The following PPARGC1A variants were observed in gnomAD, a reference collection of about 807,000 sequenced individuals.
PPARGC1A encodes PPARG coactivator 1 alpha.
In PPARGC1A, 25 loss-of-function variants were observed where a neutral mutation model predicts 88.7. That is an observed-to-expected ratio of 0.28 (90% CI 0.21 to 0.39). The LOEUF is 0.39. PPARGC1A is among the 10% of genes least tolerant of loss of function. The pLI is 1.00. For missense variants in PPARGC1A, 880 were observed against 968.7 expected, an observed-to-expected ratio of 0.91 and a Z score of 1.22; for synonymous variants, 363 against 355.6, an observed-to-expected ratio of 1.02 and a Z score of -0.24.
At chr4:24,099,889 G>A in the PPARGC1A span, among the ~76,000 whole-genome samples, 2 of 145,428 alleles carry the variant, frequency 1.4e-5, no homozygotes, top group African/African-American at 2.5e-5. Context: ...GTACAGACCA[G>A]CATCACTTAG....
At chr4:24,212,560 G>A in the PPARGC1A span, among the ~76,000 whole-genome samples, 1 of 152,124 alleles carries the variant, frequency 6.6e-6, no homozygotes, top group Non-Finnish European at 1.5e-5. Context: ...CCTGGTGCCT[G>A]GTATACTCTC....
At chr4:24,369,575 GA>G in the PPARGC1A span, among the ~76,000 whole-genome samples, 5 of 147,474 alleles carry the variant, frequency 3.4e-5, no homozygotes, top group South Asian at 4.3e-4. Context: ...AGAGAGAACA[GA>G]AAAAAAAAAT....
the PPARGC1A span, among the ~76,000 whole-genome samples, chr4:24,125,647 C>CA: frequency 2.6e-4 from 39 of 151,460 alleles, no homozygotes; most frequent in Admixed American, 1.6e-3. Flanking sequence ...CATCAATTTA[C>CA]AAAAAAATGG....
At chr4:23,904,110 A>G (rs1218320294), upstream of PPARGC1A, 6 of 917,344 alleles carry the variant, frequency 6.5e-6, no homozygotes, top group Non-Finnish European at 7.8e-6. Context: ...TCGGCAGGCC[A>G]CTTTTTAATT....
rs1718794165 is a variant in PPARGC1A, at chr4:23,897,856, C to T, written n.52+1411G>A. The stretch of plus-strand genomic sequence containing the variant: ...GTCCAGAGAAACAGTGGGCTTTCAT[C>T]TTGTTTATCATTAATTCTGGAAAGT... On this transcript the variant is annotated intron_variant and non_coding_transcript_variant, in intron 1 of 3. Coordinates refer to the PPARGC1A transcript ENST00000507342. 2.6e-5 allele frequency among the ~76,000 whole-genome samples: 4 copies of T among 152,158 alleles called. No homozygotes were observed. The South Asian group carries it at 8.3e-4, about 32-fold the overall frequency.
chr4:24,193,749 C>T, the PPARGC1A span, among the ~76,000 whole-genome samples: 1 of 152,314 alleles, frequency 6.6e-6, no homozygotes, highest in East Asian at 1.9e-4. Context: ...GCTGGGAGCT[C>T]TGTGAGGGCA....
chr4:24,440,459 C>T, the PPARGC1A span, among the ~76,000 whole-genome samples: 1 of 152,132 alleles, frequency 6.6e-6, no homozygotes, highest in Non-Finnish European at 1.5e-5. Context: ...CAGTTGGAAA[C>T]TGACACATGC....
At chr4:24,208,088 G>C in the PPARGC1A span, among the ~76,000 whole-genome samples, 16 of 151,984 alleles carry the variant, frequency 1.1e-4, no homozygotes, top group African/African-American at 2.7e-4. Flanking sequence ...AGACCAGCCT[G>C]AACAATATAA....
At chr4:24,400,188 G>C in the PPARGC1A span, among the ~76,000 whole-genome samples, 1 of 152,162 alleles carries the variant, frequency 6.6e-6, no homozygotes, top group Admixed American at 6.5e-5. Flanking sequence ...TTGGATTGGG[G>C]GATACAAAGT....
chr4:23,872,844 C>T (rs770168132), intron 2 of PPARGC1A, among the ~76,000 whole-genome samples: 7 of 152,024 alleles, frequency 4.6e-5, no homozygotes, highest in Non-Finnish European at 8.8e-5. Context: ...AGAAATGTGA[C>T]GATGTTGCAA....
At chr4:24,426,415 A>C in the PPARGC1A span, among the ~76,000 whole-genome samples, 8 of 152,346 alleles carry the variant, frequency 5.3e-5, no homozygotes, top group Middle Eastern at 3.4e-3. Flanking sequence ...ATACGAACAA[A>C]AACAGCAGCG....
the PPARGC1A span, among the ~76,000 whole-genome samples, chr4:23,947,562 T>C: frequency 6.6e-6 from 1 of 151,804 alleles, no homozygotes; most frequent in Admixed American, 6.6e-5. Context: ...TCCTCAAGGA[T>C]ATCTGCTCTT....
upstream of PPARGC1A, among the ~76,000 whole-genome samples, chr4:23,890,611 T>A (rs1457497354): frequency 2.3e-5 from 1 of 43,132 alleles, no homozygotes; most frequent in African/African-American, 1.3e-4. Flanking sequence ...GCTTTTTTTT[T>A]TTTTTTTTTT....
chr4:24,234,373 T>G, the PPARGC1A span, among the ~76,000 whole-genome samples: 1 of 152,218 alleles, frequency 6.6e-6, no homozygotes, highest in Non-Finnish European at 1.5e-5. Context: ...GAAAAAATAC[T>G]TTTTCCAGTT....
At chr4:24,322,638 T>G in the PPARGC1A span, among the ~76,000 whole-genome samples, 1 of 152,012 alleles carries the variant, frequency 6.6e-6, no homozygotes, top group Non-Finnish European at 1.5e-5. Flanking sequence ...CAAGAGCTGA[T>G]TGTTAAATTT....
At chr4:24,425,543 A>G in the PPARGC1A span, among the ~76,000 whole-genome samples, 1 of 152,224 alleles carries the variant, frequency 6.6e-6, no homozygotes, top group African/African-American at 2.4e-5. Context: ...ATTTCCCATT[A>G]AAAATGTTAA....
At chr4:24,268,188 G>A in the PPARGC1A span, among the ~76,000 whole-genome samples, 1 of 152,214 alleles carries the variant, frequency 6.6e-6, no homozygotes, top group Admixed American at 6.5e-5. Context: ...ATAAAGTCCA[G>A]TAAAACAATA....
the PPARGC1A span, among the ~76,000 whole-genome samples, chr4:24,219,290 T>C: frequency 6.6e-6 from 1 of 152,202 alleles, no homozygotes; most frequent in Admixed American, 6.5e-5. Context: ...TTTGAACTCT[T>C]GTTATCTGGC....
the PPARGC1A span, among the ~76,000 whole-genome samples, chr4:24,103,092 G>A: frequency 4.6e-5 from 7 of 152,084 alleles, no homozygotes; most frequent in East Asian, 3.9e-4. Flanking sequence ...CACCCCATGC[G>A]CTTCAATGTT....
Sources: gnomAD v4.1 joint callset for allele counts (sites outside exome capture counted in the v4.1 genomes callset) on GRCh38, gnomAD v4.1.1 for gene constraint, MANE v1.5 for transcripts, NCBI Gene and HGNC (gene_info 2026-07-23, HGNC 2026-07-21) for gene names.